TFAP2E: variants seen among roughly 807,000 people sequenced by gnomAD.
The protein encoded by TFAP2E is transcription factor AP-2 epsilon.
In TFAP2E, 30 loss-of-function variants were observed where a neutral mutation model predicts 37.9. That is an observed-to-expected ratio of 0.79 (90% CI 0.59 to 1.07). The LOEUF is 1.07. Among genes scored for constraint, TFAP2E ranks in the 50% least tolerant of loss-of-function variants. TFAP2E has a pLI of 0.00. For synonymous variants in TFAP2E, 318 were observed against 295.8 expected (o/e 1.08, Z -0.77); for missense variants, 567 against 637.9 (o/e 0.89, Z 1.20).
In TFAP2E at chr1:35,594,383, T is replaced by C. The variant is rs566383048; in HGVS notation, c.1047-11T>C. On this transcript the variant is annotated splice_polypyrimidine_tract_variant and intron_variant, in intron 6 of 6. Coordinates refer to ENST00000373235, the MANE Select transcript of TFAP2E (RefSeq NM_178548.4). The stretch of plus-strand genomic sequence containing the variant: ...TTGTCCTCCAACCTCTGACCCTCCT[T>C]CTCGCACCAGGCAGATCTGCAAGGA... 2.5e-6 allele frequency: 4 copies of C among 1,609,750 alleles called. No homozygotes were observed. In the South Asian group the frequency reaches 4.4e-5, roughly 18 times the overall value.
intron 3 of TFAP2E, among the ~76,000 whole-genome samples, chr1:35,575,387 C>T (rs1368375088): frequency 6.6e-6 from 1 of 152,268 alleles, no homozygotes; most frequent in Non-Finnish European, 1.5e-5. Flanking sequence ...CTTTACAGTG[C>T]CTTAGCATTT....
intron 6 of TFAP2E, among the ~76,000 whole-genome samples, chr1:35,592,104 C>A (rs1649704150): frequency 6.6e-6 from 1 of 152,090 alleles, no homozygotes; most frequent in Non-Finnish European, 1.5e-5. Flanking sequence ...GCCTGGGCAA[C>A]ATGGTGAAAC....
In TFAP2E at chr1:35,582,796, A is replaced by G. The variant is rs573099640; in HGVS notation, c.563-5534A>G. On this transcript the variant is annotated intron_variant, in intron 3 of 6. Coordinates refer to ENST00000373235, the MANE Select transcript of TFAP2E (RefSeq NM_178548.4). The stretch of plus-strand genomic sequence containing the variant: ...TGCCTGAGCCTCTCGAGTAACTGGG[A>G]CTACATTCTCATGCTACCATACCAT... 3.3e-5 allele frequency among the ~76,000 whole-genome samples: 5 copies of G among 152,194 alleles called. No homozygotes were observed. The East Asian group carries it at 9.6e-4, about 29-fold the overall frequency.
At chr1:35,593,723 A>G (rs1391436008) in intron 6 of TFAP2E, among the ~76,000 whole-genome samples, 1 of 152,202 alleles carries the variant, frequency 6.6e-6, no homozygotes, top group Non-Finnish European at 1.5e-5. Flanking sequence ...GCTGGCTTTC[A>G]TGGTGACACA....
At chr1:35,576,106 T>C (rs1649162285) in intron 3 of TFAP2E, among the ~76,000 whole-genome samples, 1 of 152,212 alleles carries the variant, frequency 6.6e-6, no homozygotes, top group Admixed American at 6.5e-5. Context: ...TTGAGTTGTT[T>C]TTCAAACGAG....
At chr1:35,578,426 C>CG (rs931007083) in intron 3 of TFAP2E, among the ~76,000 whole-genome samples, 3 of 140,392 alleles carry the variant, frequency 2.1e-5, no homozygotes, top group Admixed American at 7.0e-5. Context: ...GACTCCGTCT[C>CG]GGAAAAAAAA....
intron 3 of TFAP2E, among the ~76,000 whole-genome samples, chr1:35,581,356 T>A (rs908166399): frequency 2.6e-5 from 4 of 152,240 alleles, no homozygotes; most frequent in African/African-American, 9.7e-5. Context: ...ATAATGTTGC[T>A]ATGAACATTC....
chr1:35,588,213 T>G lies in TFAP2E; in HGVS notation c.563-117T>G. Reference sequence around the variant, plus strand: ...CATCAGTTGAGGGAACTTGGGCGAGTCACTTTCACCTCACTGTGGCTCAGT... The same window carrying G: ...CATCAGTTGAGGGAACTTGGGCGAGGCACTTTCACCTCACTGTGGCTCAGT... On this transcript the variant is annotated intron_variant, in intron 3 of 6. Coordinates refer to ENST00000373235, the MANE Select transcript of TFAP2E (RefSeq NM_178548.4). This position sits in a 1 kb window ranked among gnomAD's most constrained non-coding sequence, Gnocchi z 5.1. 1 of 1,034,560 alleles carries G rather than the reference T, an allele frequency of 9.7e-7. No individual in the cohort carries two copies. The highest frequency in any genetic ancestry group is 1.8e-5 in the South Asian group (1 of 56,654). The allele number at this position is 1,034,560 out of a possible 1,614,324, so 64.1% of individuals were successfully genotyped here. A position where few individuals can be genotyped will look rare whatever the true frequency, so the allele number is the denominator to read the frequency against.
At chr1:35,591,701 T>G (rs1188713298) in intron 6 of TFAP2E, among the ~76,000 whole-genome samples, 2 of 152,228 alleles carry the variant, frequency 1.3e-5, no homozygotes, top group East Asian at 3.9e-4. Flanking sequence ...GTTTTTGTTT[T>G]TTGAGATGGA....
At chr1:35,592,416 G>A (rs1487794128) in intron 6 of TFAP2E, among the ~76,000 whole-genome samples, 2 of 152,114 alleles carry the variant, frequency 1.3e-5, no homozygotes. Flanking sequence ...TTTATTTATT[G>A]AGACAGAATC....
chr1:35,574,290 G>A lies in TFAP2E; in HGVS notation c.391G>A (p.Asp131Asn). The change falls in exon 2 of 7, where the codon GAC becomes AAC. Residue 131 changes from aspartate to asparagine, a missense_variant. Around this residue, in one of 3 missense-constraint regions of TFAP2E, gnomAD observed 312 missense variants for 317.4 expected, o/e 0.98. Transcript: ENST00000373235. ...CGCCCTGGGCCTTGACCCGCGCCGT[G>A]ACTATGCCACTGCCGTGCCCCGGCT... ...ARALGLDPRRDYATAVPRLLH... is the reference protein window; with the variant it reads ...ARALGLDPRRNYATAVPRLLH... The A allele has an allele frequency of 1.4e-6, 2 of 1,443,590 alleles. No homozygotes were observed. The highest frequency in any genetic ancestry group is 3.3e-5 in the East Asian group (1 of 29,926). 89.4% of individuals were successfully genotyped at this position (1,443,590 alleles called of 1,614,324 possible). A position where few individuals can be genotyped will look rare whatever the true frequency, so the allele number is the denominator to read the frequency against.
rs1321912819 is a variant in TFAP2E, at chr1:35,577,364, GC to G, written c.562+2367del. ...ACTGCGGGATTCGGCGTTGCCGCCA[GC>G]CCAGTGGGGAGTGAATTAGCGCCCT... On this transcript the variant is annotated intron_variant, in intron 3 of 6. Transcript: ENST00000373235. The surrounding 1 kb of genome is among the most constrained non-coding windows in gnomAD (Gnocchi z 6.3). The G allele has an allele frequency of 2.2e-6, 1 of 456,688 alleles. No individual in the cohort carries two copies. Among genetic ancestry groups the G allele is most frequent in the East Asian group, 6.9e-5 (1 of 14,402 alleles). The allele number at this position is 456,688 out of a possible 1,614,324, so 28.3% of individuals were successfully genotyped here. A position where few individuals can be genotyped will look rare whatever the true frequency, so the allele number is the denominator to read the frequency against.
intron 3 of TFAP2E, among the ~76,000 whole-genome samples, chr1:35,579,910 G>A (rs1649296542): frequency 6.6e-6 from 1 of 151,706 alleles, no homozygotes; most frequent in Non-Finnish European, 1.5e-5. Context: ...GAAATTATAT[G>A]TAAAAGAAAC....
chr1:35,576,488 C>A (rs1372572816), intron 3 of TFAP2E, among the ~76,000 whole-genome samples: 1 of 152,130 alleles, frequency 6.6e-6, no homozygotes, highest in Non-Finnish European at 1.5e-5. Flanking sequence ...GACTTCCTGG[C>A]CACCAGAAAT....
At position 35,574,312 on chromosome 1, in the gene TFAP2E, G is replaced by T; in HGVS notation, c.413G>T (p.Arg138Leu). The change falls in exon 2 of 7, where the codon CGG becomes CTG. Residue 138 changes from arginine to leucine, a missense_variant. Arg to Leu is a moderately radical substitution (Grantham distance 102). This residue lies in a region of TFAP2E where 312 missense variants were observed against 317.4 expected (regional missense o/e 0.98). Transcript: ENST00000373235. Reference protein sequence around the residue: ...PRRDYATAVPRLLHGLADGAH... With the variant: ...PRRDYATAVPLLLHGLADGAH... ...CGTGACTATGCCACTGCCGTGCCCCGGCTCCTGCACGGCCTGGCCGACGGC... is the reference window on the plus strand; with the variant it reads ...CGTGACTATGCCACTGCCGTGCCCCTGCTCCTGCACGGCCTGGCCGACGGC... The T allele has an allele frequency of 6.9e-7, 1 of 1,458,736 alleles. No individual in the cohort carries two copies. Among genetic ancestry groups the T allele is most frequent in the South Asian group, 1.3e-5 (1 of 77,088 alleles). 90.4% of individuals were successfully genotyped at this position (1,458,736 alleles called of 1,614,324 possible).
chr1:35,581,762 G>A (rs1649358086), intron 3 of TFAP2E, among the ~76,000 whole-genome samples: 1 of 151,780 alleles, frequency 6.6e-6, no homozygotes, highest in African/African-American at 2.4e-5. Context: ...AGTAGAGACG[G>A]GGTTTCTCCA....
chr1:35,587,646 A>AAAAG (rs1195390993), intron 3 of TFAP2E, among the ~76,000 whole-genome samples: 10 of 150,918 alleles, frequency 6.6e-5, no homozygotes, highest in African/African-American at 2.5e-4. Flanking sequence ...CAAAAAAAAA[A>AAAAG]AAAAAAAAAA....
In TFAP2E at chr1:35,595,125, G is replaced by T; in HGVS notation, c.*449G>T. On this transcript the variant is annotated 3_prime_UTR_variant, in exon 7 of 7. Coordinates refer to ENST00000373235, the MANE Select transcript of TFAP2E (RefSeq NM_178548.4). ...CTCATTCCAGAATCTCCTACCCCCA[G>T]AAAAGGGGTGCTGGAAGGAGGCCCC... 1 of 208,748 alleles carries T rather than the reference G, an allele frequency of 4.8e-6. No homozygotes were observed. The highest frequency in any genetic ancestry group is 9.5e-6 in the Non-Finnish European group (1 of 105,486). 12.9% of individuals were successfully genotyped at this position (208,748 alleles called of 1,614,324 possible). A position where few individuals can be genotyped will look rare whatever the true frequency, so the allele number is the denominator to read the frequency against.
At position 35,590,925 on chromosome 1, in the gene TFAP2E, CAT is replaced by C; in HGVS notation, c.1046+152_1046+153del. Reference sequence around the variant, plus strand: ...TGTACACGAGCAGTGGGCACACACACATACGTGCGCACCACTGTGTACATCAG... The same window carrying C: ...TGTACACGAGCAGTGGGCACACACACACGTGCGCACCACTGTGTACATCAG... On this transcript the variant is annotated intron_variant, in intron 6 of 6. Transcript: ENST00000373235. This position sits in a 1 kb window ranked among gnomAD's most constrained non-coding sequence, Gnocchi z 6.2. The C allele has an allele frequency of 2.2e-6, 2 of 909,522 alleles. No homozygotes were observed. Among genetic ancestry groups the C allele is most frequent in the Non-Finnish European group, 2.9e-6 (2 of 679,654 alleles). The allele number at this position is 909,522 out of a possible 1,614,324, so 56.3% of individuals were successfully genotyped here. A position where few individuals can be genotyped will look rare whatever the true frequency, so the allele number is the denominator to read the frequency against.
Sources: allele counts gnomAD v4.1 joint callset (sites outside exome capture counted in the v4.1 genomes callset), GRCh38; gene constraint gnomAD v4.1.1; regional missense constraint gnomAD v4.1.1; non-coding constraint Gnocchi (gnomAD v3.1); transcripts MANE v1.5; gene names NCBI Gene and HGNC (gene_info 2026-07-23, HGNC 2026-07-21).